Variants in CD2AP observed in about 807,000 individuals in gnomAD.
CD2AP encodes CD2 associated protein.
Under a neutral mutation model 85.1 loss-of-function variants are expected in CD2AP, and 46 were observed. The observed-to-expected ratio is 0.54, with a 90% CI of 0.43 to 0.69. CD2AP has a LOEUF of 0.69. Ranked by LOEUF, CD2AP falls within the 30% of genes least tolerant of loss-of-function variation. The pLI is 0.00. For synonymous variants in CD2AP, 255 were observed against 252.9 expected (o/e 1.01, Z -0.08); for missense variants, 769 against 729.5 (o/e 1.05, Z -0.62).
intron 2 of CD2AP, 99 bp from the exon 3 acceptor site, chr6:47,533,503 A>G (rs939522273): frequency 3.7e-6 from 4 of 1,091,970 alleles, no homozygotes; most frequent in East Asian, 5.2e-5. Flanking sequence ...TATGATTTAT[A>G]TAGTAATTAC....
chr6:47,619,422 G>A (rs1390068968), intron 17 of CD2AP, among the ~76,000 whole-genome samples: 1 of 152,224 alleles, frequency 6.6e-6, no homozygotes, highest in Non-Finnish European at 1.5e-5. Flanking sequence ...TTATGGCTAA[G>A]TAGTATTCCA....
intron 5 of CD2AP, among the ~76,000 whole-genome samples, chr6:47,558,957 C>A (rs980301709): frequency 6.6e-6 from 1 of 151,652 alleles, no homozygotes; most frequent in Admixed American, 6.6e-5. Flanking sequence ...TAGAGCTGAG[C>A]TTTTTTTTGG....
At chr6:47,482,780 A>G (rs1204403989) in intron 1 of CD2AP, among the ~76,000 whole-genome samples, 2 of 152,232 alleles carry the variant, frequency 1.3e-5, no homozygotes, top group African/African-American at 4.8e-5. Context: ...AAAGTGCTTC[A>G]TTTTTATTTA....
chr6:47,580,484 C>G (rs1314496476), intron 9 of CD2AP, among the ~76,000 whole-genome samples: 1 of 151,476 alleles, frequency 6.6e-6, no homozygotes, highest in Admixed American at 6.6e-5. Flanking sequence ...AAAACGGTCT[C>G]TCCCTTGTTC....
intron 3 of CD2AP, among the ~76,000 whole-genome samples, chr6:47,543,840 T>C (rs1767298481): frequency 6.6e-6 from 1 of 152,324 alleles, no homozygotes; most frequent in East Asian, 1.9e-4. Flanking sequence ...GGGGTGGAGC[T>C]TGAGATACTA....
chr6:47,554,422 A>T (rs1288452588), intron 4 of CD2AP, among the ~76,000 whole-genome samples: 1 of 152,204 alleles, frequency 6.6e-6, no homozygotes, highest in African/African-American at 2.4e-5. Flanking sequence ...TGTCATTGTA[A>T]ATGTGCGAAG....
chr6:47,509,351 T>C (rs1330509766), intron 2 of CD2AP, among the ~76,000 whole-genome samples: 1 of 151,492 alleles, frequency 6.6e-6, no homozygotes, highest in Non-Finnish European at 1.5e-5. Context: ...AAAAATGTAA[T>C]ACAGAGACAT....
At chr6:47,511,690 C>T (rs1179023031) in intron 2 of CD2AP, among the ~76,000 whole-genome samples, 1 of 152,152 alleles carries the variant, frequency 6.6e-6, no homozygotes, top group Non-Finnish European at 1.5e-5. Flanking sequence ...TAATCAACAG[C>T]AATGGATAAT....
At chr6:47,579,332 CT>C in intron 8 of CD2AP, 52 bp from the exon 9 acceptor site, 3 of 547,476 alleles carry the variant, frequency 5.5e-6, no homozygotes, top group Non-Finnish European at 2.9e-6. Flanking sequence ...AACACTTTAT[CT>C]TAAAAAAAAA....
At chr6:47,521,724 A>G (rs1240341439) in intron 2 of CD2AP, among the ~76,000 whole-genome samples, 1 of 151,976 alleles carries the variant, frequency 6.6e-6, no homozygotes, top group Non-Finnish European at 1.5e-5. Context: ...GAAGGTTAAG[A>G]TAACACATGA....
At chr6:47,599,147 G>T (rs1769034335) in intron 12 of CD2AP, among the ~76,000 whole-genome samples, 154 bp from the exon 13 acceptor site, 1 of 151,618 alleles carries the variant, frequency 6.6e-6, no homozygotes, top group Non-Finnish European at 1.5e-5. Flanking sequence ...ATTGTGATCA[G>T]CCTTAGGAGA....
intron 5 of CD2AP, among the ~76,000 whole-genome samples, chr6:47,561,351 G>A (rs1767856621): frequency 6.6e-6 from 1 of 152,072 alleles, no homozygotes; most frequent in African/African-American, 2.4e-5. Context: ...GCAGTATTAT[G>A]TCATTTTGAC....
chr6:47,618,995 C>G (rs1291296615), intron 17 of CD2AP, among the ~76,000 whole-genome samples: 1 of 152,132 alleles, frequency 6.6e-6, no homozygotes, highest in East Asian at 1.9e-4. Flanking sequence ...TAACATTATA[C>G]AGTATTATAA....
chr6:47,488,608 G>A (rs1055899107), intron 1 of CD2AP, among the ~76,000 whole-genome samples: 2 of 151,606 alleles, frequency 1.3e-5, no homozygotes, highest in Admixed American at 6.6e-5. Flanking sequence ...GTTTGGACTA[G>A]CCACATTTCA....
intron 13 of CD2AP, among the ~76,000 whole-genome samples, chr6:47,603,445 AC>A (rs1157396865): frequency 2.0e-5 from 3 of 151,952 alleles, no homozygotes; most frequent in Non-Finnish European, 4.4e-5. Flanking sequence ...CTGATTTATT[AC>A]TCTGGCCTCT....
At chr6:47,571,818 A>G (rs1768161790) in intron 5 of CD2AP, among the ~76,000 whole-genome samples, 1 of 152,158 alleles carries the variant, frequency 6.6e-6, no homozygotes, top group African/African-American at 2.4e-5. Flanking sequence ...TAGAGAGGCG[A>G]AGTGGGGCTA....
At chr6:47,484,260 GAA>G (rs747328096) in intron 1 of CD2AP, among the ~76,000 whole-genome samples, 4 of 151,680 alleles carry the variant, frequency 2.6e-5, no homozygotes, top group Non-Finnish European at 5.9e-5. Flanking sequence ...ACTCATTTTT[GAA>G]TCATAACCTT....
chr6:47,574,315 T>A, intron 6 of CD2AP, 64 bp downstream of exon 6: 1 of 1,450,906 alleles, frequency 6.9e-7, no homozygotes, highest in Non-Finnish European at 9.7e-7. Context: ...TTTTAAAATG[T>A]AAAAGTCAGT....
intron 11 of CD2AP, among the ~76,000 whole-genome samples, chr6:47,593,876 A>G (rs183361402): frequency 6.6e-6 from 1 of 152,216 alleles, no homozygotes; most frequent in East Asian, 1.9e-4. Context: ...ACAGTAGGCA[A>G]AAGGTAGAAG....
Sources: gnomAD v4.1 joint callset for allele counts (sites outside exome capture counted in the v4.1 genomes callset) on GRCh38, gnomAD v4.1.1 for gene constraint, MANE v1.5 for transcripts, NCBI Gene and HGNC (gene_info 2026-07-23, HGNC 2026-07-21) for gene names.